The following KCNC2 variants were observed in gnomAD, a reference collection of about 807,000 sequenced individuals.
The protein encoded by KCNC2 is voltage-gated potassium channel KCNC2.
A neutral mutation model predicts 44.5 loss-of-function variants in KCNC2; 21 were observed. The ratio of observed to expected loss-of-function variants is 0.47; its 90% confidence interval spans 0.33 to 0.68. KCNC2 has a LOEUF of 0.68. Among genes scored for constraint, KCNC2 ranks in the 30% least tolerant of loss-of-function variants. KCNC2 has a pLI of 0.01. For synonymous variants in KCNC2, 391 were observed against 339.1 expected (o/e 1.15, Z -1.68); for missense variants, 589 against 826.2 (o/e 0.71, Z 3.52).
In KCNC2 at chr12:75,207,146, T is replaced by G; in HGVS notation, c.687+151A>C. The G allele has an allele frequency of 7.2e-7, 1 of 1,391,358 alleles. No homozygotes were observed. The allele number at this position is 1,391,358 out of a possible 1,614,324, so 86.2% of individuals were successfully genotyped here. A position where few individuals can be genotyped will look rare whatever the true frequency, so the allele number is the denominator to read the frequency against. On this transcript the variant is annotated intron_variant, in intron 2 of 4. Coordinates refer to ENST00000549446, the MANE Select transcript of KCNC2 (RefSeq NM_139137.4). The surrounding 1 kb of genome is among the most constrained non-coding windows in gnomAD (Gnocchi z 4.1). The stretch of plus-strand genomic sequence containing the variant: ...GTGGCCGGGGTCCCTGGGTTTACCC[T>G]GCAAAGGATGAGCCTCTAACTGTAT...
intron 2 of KCNC2, among the ~76,000 whole-genome samples, chr12:75,060,006 G>A (rs896681346): frequency 4.3e-4 from 65 of 152,026 alleles, no homozygotes; most frequent in Admixed American, 3.9e-3. Context: ...TAGTAATTCC[G>A]AAATACACAA....
chr12:75,188,372 T>C lies in KCNC2; in HGVS notation c.687+18925A>G, dbSNP rs575489335. Among the ~76,000 whole-genome samples the C allele has an allele frequency of 5.9e-5, 9 of 152,298 alleles. No homozygotes were observed. The South Asian group carries it at 1.9e-3, about 32-fold the overall frequency. On this transcript the variant is annotated intron_variant, in intron 2 of 4. Transcript: ENST00000549446. Reference sequence around the variant, plus strand: ...TCCGAATTCACTTTAAAACACAATGTAGTGTTGTTGGATTTAGCAAATAAA... The same window carrying C: ...TCCGAATTCACTTTAAAACACAATGCAGTGTTGTTGGATTTAGCAAATAAA...
chr12:75,106,488 G>C (rs969898901), intron 2 of KCNC2, among the ~76,000 whole-genome samples: 1 of 152,154 alleles, frequency 6.6e-6, no homozygotes, highest in Non-Finnish European at 1.5e-5. Flanking sequence ...CTAAGGAAAT[G>C]AGATGAATAG....
At chr12:75,121,775 C>A (rs2137289984) in intron 2 of KCNC2, among the ~76,000 whole-genome samples, 1 of 152,278 alleles carries the variant, frequency 6.6e-6, no homozygotes, top group East Asian at 1.9e-4. Flanking sequence ...CTTGTCAGCT[C>A]AATTGTAATA....
intron 2 of KCNC2, among the ~76,000 whole-genome samples, chr12:75,095,255 T>C (rs1033544625): frequency 3.3e-5 from 5 of 151,840 alleles, no homozygotes; most frequent in Admixed American, 6.6e-5. Context: ...TCCTCAGTAC[T>C]GGCAAGCAAC....
intron 2 of KCNC2, 30 bp from the exon 3 acceptor site, chr12:75,051,347 A>T: frequency 7.9e-7 from 1 of 1,267,670 alleles, no homozygotes; most frequent in East Asian, 2.5e-5. Context: ...AAAAAAACCC[A>T]TAGTGATCTG....
At chr12:75,153,908 G>A (rs540897239) in intron 2 of KCNC2, among the ~76,000 whole-genome samples, 1 of 151,872 alleles carries the variant, frequency 6.6e-6, no homozygotes, top group East Asian at 1.9e-4. Flanking sequence ...GGTTGGTCTT[G>A]TCTCAGGGAT....
chr12:75,059,787 T>G (rs1317481786), intron 2 of KCNC2, among the ~76,000 whole-genome samples: 3 of 152,102 alleles, frequency 2.0e-5, no homozygotes, highest in Non-Finnish European at 4.4e-5. Context: ...GTAAATAAAT[T>G]TTTTAATATT....
chr12:75,123,022 C>A (rs567017766), intron 2 of KCNC2, among the ~76,000 whole-genome samples: 1 of 151,566 alleles, frequency 6.6e-6, no homozygotes, highest in Non-Finnish European at 1.5e-5. Context: ...CAAATAATTA[C>A]GCTAAATTAA....
chr12:75,137,402 A>G (rs967341896), intron 2 of KCNC2, among the ~76,000 whole-genome samples: 1 of 152,188 alleles, frequency 6.6e-6, no homozygotes, highest in African/African-American at 2.4e-5. Context: ...TTCTATGAAC[A>G]GCTGCAAATA....
At chr12:75,144,162 T>TAACCA (rs1463455431) in intron 2 of KCNC2, among the ~76,000 whole-genome samples, 2 of 152,228 alleles carry the variant, frequency 1.3e-5, no homozygotes, top group African/African-American at 2.4e-5. Flanking sequence ...TGATGAATAT[T>TAACCA]AACCATCATT....
intron 2 of KCNC2, among the ~76,000 whole-genome samples, chr12:75,091,809 C>A (rs4882612): frequency 0.17 from 25,587 of 151,168 alleles, 2,700 homozygotes; most frequent in Admixed American, 0.27. Context: ...ATAAGGATTG[C>A]AGGCAAAGAT....
chr12:75,175,519 C>A (rs898537576), intron 2 of KCNC2, among the ~76,000 whole-genome samples: 1 of 151,906 alleles, frequency 6.6e-6, no homozygotes, highest in South Asian at 2.1e-4. Context: ...TTGATGGGTA[C>A]AAGGGACTAT....
intron 2 of KCNC2, among the ~76,000 whole-genome samples, chr12:75,200,843 T>C (rs984794923): frequency 4.6e-5 from 7 of 151,810 alleles, no homozygotes. Context: ...GAGATTAGAA[T>C]TGAATAATTT....
intron 2 of KCNC2, among the ~76,000 whole-genome samples, chr12:75,160,631 T>C (rs1328126814): frequency 6.6e-6 from 1 of 151,880 alleles, no homozygotes; most frequent in African/African-American, 2.4e-5. Context: ...GGATCCCATC[T>C]GTAAAAAGAT....
At chr12:75,186,009 G>A (rs1316871553) in intron 2 of KCNC2, among the ~76,000 whole-genome samples, 1 of 151,310 alleles carries the variant, frequency 6.6e-6, no homozygotes, top group Non-Finnish European at 1.5e-5. Flanking sequence ...CTGTGCCATT[G>A]CACTCCAGCC....
At chr12:75,197,566 G>A (rs1565688384) in intron 2 of KCNC2, among the ~76,000 whole-genome samples, 1 of 152,010 alleles carries the variant, frequency 6.6e-6, no homozygotes, top group Non-Finnish European at 1.5e-5. Flanking sequence ...CTGAATACAA[G>A]TGTTGCGAAG....
intron 2 of KCNC2, among the ~76,000 whole-genome samples, chr12:75,138,937 C>T (rs1192680382): frequency 2.9e-5 from 4 of 139,248 alleles, no homozygotes; most frequent in Admixed American, 7.6e-5. Flanking sequence ...GCGGAGATCG[C>T]GCCACTGCAC....
intron 2 of KCNC2, among the ~76,000 whole-genome samples, chr12:75,127,442 T>C (rs1888512033): frequency 6.6e-6 from 1 of 152,124 alleles, no homozygotes; most frequent in African/African-American, 2.4e-5. Flanking sequence ...TAATAAATAA[T>C]TGAACATGTC....
Sources: allele counts gnomAD v4.1 joint callset (sites outside exome capture counted in the v4.1 genomes callset), GRCh38; gene constraint gnomAD v4.1.1; non-coding constraint Gnocchi (gnomAD v3.1); transcripts MANE v1.5; gene names NCBI Gene and HGNC (gene_info 2026-07-23, HGNC 2026-07-21).